The following ZNF283 variants were observed in gnomAD, a reference collection of about 807,000 sequenced individuals.
ZNF283 encodes zinc finger protein 283.
Under a neutral mutation model 9.2 loss-of-function variants are expected in ZNF283, and 10 were observed. The observed-to-expected ratio is 1.09, with a 90% CI of 0.67 to 1.85. The LOEUF (loss-of-function observed/expected upper bound fraction) is 1.85, where lower values mean the gene tolerates loss of function less well. Ranked by LOEUF, ZNF283 falls within the 40% of genes most tolerant of loss-of-function variation. The pLI, the probability that ZNF283 is intolerant of heterozygous loss-of-function variation, is 0.00. For missense variants in ZNF283, 631 were observed against 760.1 expected (o/e 0.83, Z 2.00); for synonymous variants, 234 against 244.1 (o/e 0.96, Z 0.38).
Position 43,847,878 on chromosome 19 carries a change from C to G in ZNF283, c.1277C>G (p.Thr426Ser), listed in dbSNP as rs1211300866. ...SSLIQHERIHTGEKPYECKEC... is the reference protein window; with the variant it reads ...SSLIQHERIHSGEKPYECKEC... ...CTTATTCAACATGAAAGAATTCATA[C>G]TGGTGAGAAACCTTATGAATGTAAA... Residue 426 changes from threonine (T) to serine (S), a missense_variant, in exon 7 of 7, where the codon ACT (threonine) becomes AGT (serine). By Grantham distance (58) the Thr-to-Ser change is moderately conservative. Coordinates refer to ENST00000618787, the MANE Select transcript of ZNF283 (RefSeq NM_181845.2). The G allele has an allele frequency of 3.1e-6, 5 of 1,613,168 alleles. No individual in the cohort carries two copies. Among genetic ancestry groups the G allele is most frequent in the Non-Finnish European group, 4.2e-6 (5 of 1,179,816 alleles).
intron 6 of ZNF283, 101 bp downstream of exon 6, chr19:43,837,280 T>G: frequency 7.9e-7 from 1 of 1,272,230 alleles, no homozygotes; most frequent in South Asian, 1.6e-5. Flanking sequence ...CAGGTGAATT[T>G]CTTCTCCCCC....
At chr19:43,842,516 A>G (rs979040078) in intron 6 of ZNF283, among the ~76,000 whole-genome samples, 8 of 152,212 alleles carry the variant, frequency 5.3e-5, no homozygotes, top group Non-Finnish European at 8.8e-5. Context: ...GCAGATCACA[A>G]TGATCTTTTT....
chr19:43,847,303 C>T lies in ZNF283; in HGVS notation c.702C>T (p.His234=). 2.5e-6 allele frequency: 4 copies of T among 1,613,184 alleles called. No individual in the cohort carries two copies. Among genetic ancestry groups the T allele is most frequent in the Non-Finnish European group, 2.5e-6 (3 of 1,179,690 alleles). ...QHERTHTAEK[H]FECKECGKNY... is the part of the protein sequence containing the mutation. ...AGAGAACTCATACAGCTGAAAAACA[C>T]TTTGAATGTAAAGAATGTGGGAAGA... Residue 234 remains histidine, a synonymous_variant, in exon 7 of 7, where the codon CAC becomes CAT. Transcript: ENST00000618787.
rs767285396 is a variant in ZNF283 at position 43,847,861 on chromosome 19, A to G, written c.1260A>G (p.Gln420=). 12 of 1,613,588 alleles carry G rather than the reference A, an allele frequency of 7.4e-6. No homozygotes were observed. The highest frequency in any genetic ancestry group is 1.7e-5 in the Admixed American group (1 of 59,970). ...TTAATTGCGGATCAAGTCTTATTCA[A>G]CATGAAAGAATTCATACTGGTGAGA... ...KAFNCGSSLI[Q]HERIHTGEKP... is the part of the protein sequence containing the mutation. Residue 420 remains glutamine, a synonymous_variant, in exon 7 of 7, where the codon CAA becomes CAG. Transcript: ENST00000618787.
At chr19:43,831,762 G>A (rs1043060842) in intron 3 of ZNF283, among the ~76,000 whole-genome samples, 26 of 152,126 alleles carry the variant, frequency 1.7e-4, no homozygotes, top group African/African-American at 6.3e-4. Flanking sequence ...AAGGTAGCTG[G>A]GACCACAGGT....
At position 43,848,115 on chromosome 19, in the gene ZNF283, AT is replaced by A. The variant is rs1971489794; in HGVS notation, c.1515del (p.Gln506ArgfsTer81). ...TFCSGYQLTR[H>X]QVFHTGEKPY... is the part of the protein sequence containing the mutation. ...TGTAGTGGGTATCAACTTACTCGACATCAGGTATTTCACACTGGTGAGAAAC... is the reference window on the plus strand; with the variant it reads ...TGTAGTGGGTATCAACTTACTCGACACAGGTATTTCACACTGGTGAGAAAC... On this transcript the variant is annotated frameshift_variant, in exon 7 of 7. Coordinates refer to ENST00000618787, the MANE Select transcript of ZNF283 (RefSeq NM_181845.2). LOFTEE classifies it low-confidence loss of function (END_TRUNC). 1.2e-6 allele frequency: 2 copies of A among 1,613,774 alleles called. No homozygotes were observed. Among genetic ancestry groups the A allele is most frequent in the African/African-American group, 2.7e-5 (2 of 74,862 alleles).
At chr19:43,846,454 A>G (rs1274401635) in intron 6 of ZNF283, among the ~76,000 whole-genome samples, 1 of 152,192 alleles carries the variant, frequency 6.6e-6, no homozygotes, top group Non-Finnish European at 1.5e-5. Context: ...ATAAAGTTGT[A>G]TTGGAACATA....
chr19:43,836,948 G>A, intron 5 of ZNF283, 105 bp from the exon 6 acceptor site: 1 of 1,284,654 alleles, frequency 7.8e-7, no homozygotes, highest in Non-Finnish European at 1.1e-6. Flanking sequence ...CTACTCGATT[G>A]TTATATTTCT....
At chr19:43,827,585 G>C (rs1179859505) in intron 1 of ZNF283, 141 bp downstream of exon 1, 1 of 152,284 alleles carries the variant, frequency 6.6e-6, no homozygotes, top group African/African-American at 2.4e-5. Context: ...GCTGGGTCAC[G>C]GACAGAGCGT....
At chr19:43,842,647 G>A (rs1971260054) in intron 6 of ZNF283, among the ~76,000 whole-genome samples, 1 of 152,222 alleles carries the variant, frequency 6.6e-6, no homozygotes, top group Non-Finnish European at 1.5e-5. Flanking sequence ...GAGTTCCCAA[G>A]AACCTTTCAG....
At chr19:43,831,477 T>G in intron 3 of ZNF283, 96 bp downstream of exon 3, 1 of 996,330 alleles carries the variant, frequency 1.0e-6, no homozygotes, top group Non-Finnish European at 1.5e-6. Context: ...TGTCACTCAG[T>G]TTTTTACATT....
rs1971491660 is a variant in ZNF283, at chr19:43,848,151, G to A, written c.1550G>A (p.Cys517Tyr). 6.2e-7 allele frequency: 1 copy of A among 1,614,004 alleles called. No individual in the cohort carries two copies. The highest frequency in any genetic ancestry group is 8.5e-7 in the Non-Finnish European group (1 of 1,179,946). Residue 517 changes from cysteine (C) to tyrosine (Y), a missense_variant, in exon 7 of 7, where the codon TGT (cysteine) becomes TAT (tyrosine). Cys to Tyr is a radical substitution (Grantham distance 194). This residue lies in a region of ZNF283 where 444 missense variants were observed against 522.5 expected (regional missense o/e 0.85). Transcript: ENST00000618787. The part of the protein sequence containing the change: ...VFHTGEKPYE[C>Y]KECGKAFNCG... Reference sequence around the variant, plus strand: ...CACACTGGTGAGAAACCCTATGAATGTAAGGAATGTGGGAAGGCTTTTAAT... The same window carrying A: ...CACACTGGTGAGAAACCCTATGAATATAAGGAATGTGGGAAGGCTTTTAAT...
rs749007213 is a variant in ZNF283 at position 43,847,223 on chromosome 19, G to A, written c.622G>A (p.Val208Ile). The part of the protein sequence containing the change: ...QRIHNTEKSY[V>I]CKECGKACSH... The stretch of plus-strand genomic sequence containing the variant: ...AATTCATAATACAGAGAAATCCTAT[G>A]TTTGTAAGGAATGTGGGAAGGCTTG... Residue 208 changes from valine (V) to isoleucine (I), a missense_variant, in exon 7 of 7, where the codon GTT becomes ATT. Transcript: ENST00000618787. The A allele has an allele frequency of 1.2e-6, 2 of 1,613,796 alleles. No individual in the cohort carries two copies. The highest frequency in any genetic ancestry group is 1.7e-6 in the Non-Finnish European group (2 of 1,179,838).
intron 5 of ZNF283, among the ~76,000 whole-genome samples, chr19:43,836,389 T>C (rs1171702380): frequency 1.3e-5 from 2 of 152,252 alleles, no homozygotes; most frequent in Non-Finnish European, 2.9e-5. Context: ...TCACCCAGGC[T>C]GGAGTGCAGT....
chr19:43,829,201 C>T (rs571290869), intron 2 of ZNF283, among the ~76,000 whole-genome samples: 40 of 152,080 alleles, frequency 2.6e-4, no homozygotes, highest in African/African-American at 9.4e-4. Context: ...CTGGCTAACA[C>T]GGTGAAACCC....
Position 43,851,247 on chromosome 19 carries a change from T to A in ZNF283, c.*2606T>A, listed in dbSNP as rs1971599735. The A allele has an allele frequency of 6.6e-6, 1 of 152,134 alleles. No homozygotes were observed. Among genetic ancestry groups the A allele is most frequent in the African/African-American group, 2.4e-5 (1 of 41,416 alleles). The allele number at this position is 152,134 out of a possible 1,614,324, so 9.4% of individuals were successfully genotyped here. On this transcript the variant is annotated 3_prime_UTR_variant, in exon 7 of 7. Transcript: ENST00000618787. ...ACCAAGAAATGTAGACATGGTGCCTTATCCCAACATTTCTGAAATTATATC... is the reference window on the plus strand; with the variant it reads ...ACCAAGAAATGTAGACATGGTGCCTAATCCCAACATTTCTGAAATTATATC...
rs917163445 is a variant in ZNF283, at chr19:43,849,361, C to G, written c.*720C>G. On this transcript the variant is annotated 3_prime_UTR_variant, in exon 7 of 7. Transcript: ENST00000618787. Reference sequence around the variant, plus strand: ...AATTGAAAACAAAGTTTGTTCTTTCCCAGAAATAATTTGAGACAAGACTCA... The same window carrying G: ...AATTGAAAACAAAGTTTGTTCTTTCGCAGAAATAATTTGAGACAAGACTCA... 1.3e-5 allele frequency: 2 copies of G among 152,012 alleles called. No homozygotes were observed. Among genetic ancestry groups the G allele is most frequent in the African/African-American group, 4.8e-5 (2 of 41,386 alleles). The allele number at this position is 152,012 out of a possible 1,614,324, so 9.4% of individuals were successfully genotyped here.
In ZNF283 at chr19:43,847,935, A is replaced by C. The variant is rs757293532; in HGVS notation, c.1334A>C (p.His445Pro). The C allele has an allele frequency of 1.9e-6, 3 of 1,613,570 alleles. No homozygotes were observed. The highest frequency in any genetic ancestry group is 2.5e-6 in the Non-Finnish European group (3 of 1,179,836). The change falls in exon 7 of 7, where the codon CAC becomes CCC. Residue 445 changes from histidine to proline, a missense_variant. Physicochemically the swap from His to Pro is moderately conservative, Grantham distance 77. This residue lies in a region of ZNF283 where 444 missense variants were observed against 522.5 expected (regional missense o/e 0.85). Transcript: ENST00000618787. ...GGAAAGGCCTTTAGTCGTGGCTATC[A>C]CCTTTCTCAACATCAGAAAATCCAT... ...ECGKAFSRGY[H>P]LSQHQKIHTG... is the part of the protein sequence containing the mutation.
At chr19:43,828,680 A>C (rs1280380117) in intron 2 of ZNF283, among the ~76,000 whole-genome samples, 2 of 152,088 alleles carry the variant, frequency 1.3e-5, no homozygotes, top group African/African-American at 4.8e-5. Context: ...TTTTAGAGAC[A>C]AGGTCTCACT....
Sources: gnomAD v4.1 joint callset for allele counts (sites outside exome capture counted in the v4.1 genomes callset) on GRCh38, gnomAD v4.1.1 for gene constraint, gnomAD v4.1.1 regional missense constraint, MANE v1.5 for transcripts, NCBI Gene and HGNC (gene_info 2026-07-23, HGNC 2026-07-21) for gene names.